PTPN14: variants seen among roughly 807,000 people sequenced by gnomAD.
PTPN14 encodes the protein tyrosine-protein phosphatase non-receptor type 14.
Under a neutral mutation model 126.8 loss-of-function variants are expected in PTPN14, and 53 were observed. The ratio of observed to expected loss-of-function variants is 0.42; its 90% CI spans 0.34 to 0.53. The LOEUF is 0.53. Among genes scored for constraint, PTPN14 ranks in the 20% least tolerant of loss-of-function variants. The probability of loss-of-function intolerance (pLI) is 0.08; values close to 1 mark genes in which losing one functional copy is unlikely to be tolerated. For synonymous variants in PTPN14, 630 were observed against 599.3 expected, an observed-to-expected ratio of 1.05 and a Z score of -0.75; for missense variants, 1,257 against 1,552.9, an observed-to-expected ratio of 0.81 and a Z score of 3.20.
At chr1:214,490,990 GGGAAGGA>G (rs1456581959) in intron 1 of PTPN14, among the ~76,000 whole-genome samples, 6 of 90,378 alleles carry the variant, frequency 6.6e-5, no homozygotes, top group Middle Eastern at 7.2e-3. Context: ...AAGGAAGGAA[GGGAAGGA>G]AAGGAAAGAA....
At chr1:214,511,749 GGCAAAAGGTGGAA>G (rs1415863405) in intron 1 of PTPN14, among the ~76,000 whole-genome samples, 5 of 152,154 alleles carry the variant, frequency 3.3e-5, no homozygotes, top group African/African-American at 1.2e-4. Flanking sequence ...ATTCATGGCA[GGCAAAAGGTGGAA>G]GCAACCCAAG....
At chr1:214,519,232 G>A (rs935384542) in intron 1 of PTPN14, among the ~76,000 whole-genome samples, 4 of 152,062 alleles carry the variant, frequency 2.6e-5, no homozygotes, top group Admixed American at 1.3e-4. Context: ...TCATGACACC[G>A]CACTCCAGCC....
intron 1 of PTPN14, among the ~76,000 whole-genome samples, chr1:214,544,405 T>C (rs567804437): frequency 1.4e-5 from 2 of 148,086 alleles, no homozygotes; most frequent in South Asian, 2.2e-4. Context: ...ACTCCAGCCT[T>C]GGTGACAGGG....
intron 18 of PTPN14, among the ~76,000 whole-genome samples, chr1:214,361,822 C>T (rs909242614): frequency 6.6e-6 from 1 of 152,180 alleles, no homozygotes; most frequent in East Asian, 1.9e-4. Context: ...CACAGGGAGG[C>T]TTCCCAGAGC....
intron 3 of PTPN14, among the ~76,000 whole-genome samples, chr1:214,442,157 T>C (rs1660048498): frequency 6.6e-6 from 1 of 152,342 alleles, no homozygotes; most frequent in African/African-American, 2.4e-5. Context: ...AATAAAATTA[T>C]CACTTCTTTG....
At chr1:214,533,466 C>G (rs1655610182) in intron 1 of PTPN14, 1 of 461,986 alleles carries the variant, frequency 2.2e-6, no homozygotes, top group African/African-American at 2.1e-5. Context: ...AGTTCTGAGA[C>G]ATTAAGCCAG....
intron 16 of PTPN14, among the ~76,000 whole-genome samples, chr1:214,371,467 C>T (rs1658216870): frequency 6.6e-6 from 1 of 152,162 alleles, no homozygotes; most frequent in Non-Finnish European, 1.5e-5. Context: ...AGGACCTGTA[C>T]TCACCCAGAC....
At chr1:214,470,180 T>A (rs1158387924) in intron 1 of PTPN14, among the ~76,000 whole-genome samples, 3 of 152,070 alleles carry the variant, frequency 2.0e-5, no homozygotes. Flanking sequence ...TCTCAGCTAC[T>A]TGGGAGGCTG....
chr1:214,534,651 T>G (rs531706929), intron 1 of PTPN14, among the ~76,000 whole-genome samples: 1 of 151,912 alleles, frequency 6.6e-6, no homozygotes, highest in Admixed American at 6.6e-5. Flanking sequence ...AGGCGGAGCT[T>G]GCAGTGAGCC....
intron 1 of PTPN14, among the ~76,000 whole-genome samples, chr1:214,535,157 ATT>A (rs535799777): frequency 6.6e-6 from 1 of 152,178 alleles, no homozygotes; most frequent in Non-Finnish European, 1.5e-5. Flanking sequence ...ATTTATAATT[ATT>A]TTTGTCAATG....
At chr1:214,374,635 C>G (rs1321122449) in intron 15 of PTPN14, among the ~76,000 whole-genome samples, 1 of 152,192 alleles carries the variant, frequency 6.6e-6, no homozygotes, top group Non-Finnish European at 1.5e-5. Context: ...AAAACACTGG[C>G]AAAATATACT....
chr1:214,487,742 G>T (rs1227914942), intron 1 of PTPN14, among the ~76,000 whole-genome samples: 1 of 152,170 alleles, frequency 6.6e-6, no homozygotes, highest in Non-Finnish European at 1.5e-5. Context: ...AAAGCACTTT[G>T]TTGAGAGCTA....
intron 8 of PTPN14, among the ~76,000 whole-genome samples, chr1:214,397,475 G>C (rs1658907158): frequency 6.6e-6 from 1 of 152,188 alleles, no homozygotes; most frequent in Admixed American, 6.5e-5. Context: ...ATAATGAAAA[G>C]TACCAAAGCC....
intron 1 of PTPN14, among the ~76,000 whole-genome samples, chr1:214,491,784 C>T (rs4130488): frequency 0.017 from 2,518 of 152,264 alleles, 56 homozygotes; most frequent in African/African-American, 0.056. Context: ...GACAGGAACA[C>T]AAGACTTGGG....
intron 16 of PTPN14, among the ~76,000 whole-genome samples, chr1:214,370,364 G>C (rs191147952): frequency 1.3e-5 from 2 of 152,270 alleles, no homozygotes; most frequent in East Asian, 3.9e-4. Flanking sequence ...GATCAGAGAG[G>C]AGACTGGAAA....
chr1:214,413,544 C>A (rs1659356444), intron 4 of PTPN14, among the ~76,000 whole-genome samples: 1 of 152,214 alleles, frequency 6.6e-6, no homozygotes, highest in Non-Finnish European at 1.5e-5. Context: ...ACAGTCCATG[C>A]AGGAAGAACC....
chr1:214,498,262 C>T (rs75380330), intron 1 of PTPN14, among the ~76,000 whole-genome samples: 1,621 of 152,272 alleles, frequency 0.011, 27 homozygotes, highest in African/African-American at 0.036. Context: ...CTGTGAGTCT[C>T]CTAACATGGC....
chr1:214,359,595 T>C lies in PTPN14; in HGVS notation c.3436-1545A>G, dbSNP rs556218180. ...AGTGCAGTGGTGCGATCATAACTCA[T>C]TGCAACATCAACCTCCTAGGCTCAA... On this transcript the variant is annotated intron_variant, in intron 18 of 18. Coordinates refer to ENST00000366956, the MANE Select transcript of PTPN14 (RefSeq NM_005401.5). Among the ~76,000 whole-genome samples, 4 of 150,608 alleles carry C rather than the reference T, an allele frequency of 2.7e-5. 1 individual carries two copies. The highest frequency in any genetic ancestry group is 7.3e-5 in the African/African-American group (3 of 40,976).
At chr1:214,525,962 C>CTTT (rs34019620) in intron 1 of PTPN14, among the ~76,000 whole-genome samples, 2 of 130,062 alleles carry the variant, frequency 1.5e-5, no homozygotes, top group African/African-American at 5.8e-5. Context: ...CTAAAGTCAA[C>CTTT]TTTTTTTTTT....
Sources: gnomAD v4.1 joint callset for allele counts (sites outside exome capture counted in the v4.1 genomes callset) on GRCh38, gnomAD v4.1.1 for gene constraint, MANE v1.5 for transcripts, NCBI Gene and HGNC (gene_info 2026-07-23, HGNC 2026-07-21) for gene names.